The following SLCO1B3 variants were observed in gnomAD, a reference collection of about 807,000 sequenced individuals.
SLCO1B3 encodes liver-specific organic anion transporter 2.
In SLCO1B3, 72 loss-of-function variants were observed where a neutral mutation model predicts 71.8. The observed-to-expected ratio is 1.00, with a 90% CI of 0.83 to 1.22. SLCO1B3 has a LOEUF of 1.22. Ranked by LOEUF, SLCO1B3 falls within the 50% of genes most tolerant of loss-of-function variation. The pLI, the probability that SLCO1B3 is intolerant of heterozygous loss-of-function variation, is 0.00. For missense variants in SLCO1B3, 911 were observed against 819.7 expected (o/e 1.11, Z -1.36); for synonymous variants, 298 against 278.4 (o/e 1.07, Z -0.70).
Position 20,901,371 on chromosome 12 carries a change from A to G in SLCO1B3, c.1769A>G (p.Tyr590Cys). Residue 590 changes from tyrosine (Y) to cysteine (C), a missense_variant, in exon 15 of 16, where the codon TAT becomes TGT. By Grantham distance (194) the Tyr-to-Cys change is radical. Coordinates refer to ENST00000381545, the MANE Select transcript of SLCO1B3 (RefSeq NM_019844.4). ...GCAGGAGGAATTCTAGCTCCAATAT[A>G]TTTTGGGGCTCTGATTGATAAAACA... ...RTLGGILAPI[Y>C]FGALIDKTCM... The G allele has an allele frequency of 6.3e-7, 1 of 1,583,164 alleles. No individual in the cohort carries two copies. The highest frequency in any genetic ancestry group is 8.6e-7 in the Non-Finnish European group (1 of 1,167,720).
intron 3 of SLCO1B3, among the ~76,000 whole-genome samples, chr12:20,834,045 TATATG>T (rs997649801): frequency 3.6e-4 from 49 of 135,932 alleles, no homozygotes; most frequent in African/African-American, 1.2e-3. Context: ...ATTTATATAT[TATATG>T]TGTGCATATA....
chr12:20,912,297 T>A (rs2120456502), intron 15 of SLCO1B3, among the ~76,000 whole-genome samples: 1 of 144,220 alleles, frequency 6.9e-6, no homozygotes, highest in South Asian at 2.2e-4. Flanking sequence ...TATTTTATTT[T>A]TATTTTTATT....
chr12:20,888,721 C>G (rs1009645040), intron 13 of SLCO1B3, among the ~76,000 whole-genome samples: 3 of 151,960 alleles, frequency 2.0e-5, no homozygotes, highest in Middle Eastern at 3.2e-3. Flanking sequence ...ACTTCCAATA[C>G]TACGTTGAAT....
rs759291062 is a variant in SLCO1B3 at position 20,879,444 on chromosome 12, A to T, written c.1144A>T (p.Thr382Ser). 3.8e-6 allele frequency: 6 copies of T among 1,593,332 alleles called. No individual in the cohort carries two copies. The South Asian group carries it at 6.7e-5, about 18-fold the overall frequency. Residue 382 changes from threonine to serine, a missense_variant, in exon 11 of 16, where the codon ACC (threonine) becomes TCC (serine). By Grantham distance (58) the Thr-to-Ser change is moderately conservative (BLOSUM62 1). Transcript: ENST00000381545. ...SHANFLLGII[T>S]IPTVATGMFL... ...TCTTCTTTTATTTCTAGGAATCATA[A>T]CCATTCCTACGGTTGCAACTGGAAT...
chr12:20,839,584 C>T (rs1864754471), intron 3 of SLCO1B3, among the ~76,000 whole-genome samples: 1 of 151,912 alleles, frequency 6.6e-6, no homozygotes, highest in Admixed American at 6.6e-5. Context: ...TCTTTTGGGA[C>T]TTTTTTCCCC....
At chr12:20,914,748 C>T (rs566904263) in intron 15 of SLCO1B3, among the ~76,000 whole-genome samples, 4 of 152,102 alleles carry the variant, frequency 2.6e-5, no homozygotes, top group South Asian at 2.1e-4. Context: ...GTCTTTATTT[C>T]GACTTAGCTT....
At chr12:20,897,990 A>G (rs1312907625) in intron 13 of SLCO1B3, among the ~76,000 whole-genome samples, 1 of 152,180 alleles carries the variant, frequency 6.6e-6, no homozygotes, top group Non-Finnish European at 1.5e-5. Flanking sequence ...TACGAATCAT[A>G]TTAATAAGCT....
At chr12:20,900,614 A>T (rs1448684018) in intron 14 of SLCO1B3, among the ~76,000 whole-genome samples, 3 of 152,234 alleles carry the variant, frequency 2.0e-5, no homozygotes, top group Non-Finnish European at 2.9e-5. Flanking sequence ...ACCATTGTGC[A>T]CTAACAGACC....
At chr12:20,822,857 A>G (rs912142654) in intron 3 of SLCO1B3, among the ~76,000 whole-genome samples, 1 of 152,152 alleles carries the variant, frequency 6.6e-6, no homozygotes, top group African/African-American at 2.4e-5. Flanking sequence ...CTTATGTCAT[A>G]GTGAATTGGG....
chr12:20,889,272 T>C lies in SLCO1B3; in HGVS notation c.1682+5670T>C, dbSNP rs1005484584. On this transcript the variant is annotated intron_variant, in intron 13 of 15. Transcript: ENST00000381545. ...TTTTTTGGAATAGTTTTAGTAGAGT[T>C]GGTATCATTTCTTCCTTTTTGGTTT... Among the ~76,000 whole-genome samples, 7 of 152,208 alleles carry C rather than the reference T, an allele frequency of 4.6e-5. No individual in the cohort carries two copies. The East Asian group carries it at 1.4e-3, about 29-fold the overall frequency.
intron 3 of SLCO1B3, among the ~76,000 whole-genome samples, chr12:20,820,650 G>A (rs1389184698): frequency 6.6e-6 from 1 of 152,118 alleles, no homozygotes; most frequent in Non-Finnish European, 1.5e-5. Context: ...GGGGTTTGAG[G>A]GCCAGATTCC....
intron 3 of SLCO1B3, among the ~76,000 whole-genome samples, chr12:20,847,011 C>T (rs577292604): frequency 6.6e-6 from 1 of 151,968 alleles, no homozygotes; most frequent in South Asian, 2.1e-4. Context: ...AAGCAGAGAG[C>T]TGGAGGTTGG....
chr12:20,847,220 A>T (rs200712941), intron 3 of SLCO1B3, among the ~76,000 whole-genome samples: 2 of 28,986 alleles, frequency 6.9e-5, no homozygotes, highest in African/African-American at 1.1e-4. Context: ...TGGAAGAATT[A>T]AAAAAAAAAT....
At chr12:20,822,566 C>G (rs1040052076) in intron 3 of SLCO1B3, among the ~76,000 whole-genome samples, 1 of 152,098 alleles carries the variant, frequency 6.6e-6, no homozygotes, top group Non-Finnish European at 1.5e-5. Flanking sequence ...TCGGCGTATA[C>G]GTGCAAGTCA....
chr12:20,846,433 T>C (rs1405871980), intron 3 of SLCO1B3, among the ~76,000 whole-genome samples: 1 of 152,222 alleles, frequency 6.6e-6, no homozygotes, highest in Non-Finnish European at 1.5e-5. Context: ...TTGCAAACTA[T>C]GTGTTGGTGT....
chr12:20,819,037 G>A (rs1378828989), intron 3 of SLCO1B3, among the ~76,000 whole-genome samples: 2 of 152,186 alleles, frequency 1.3e-5, no homozygotes, highest in Non-Finnish European at 2.9e-5. Flanking sequence ...TGTAGAGAGT[G>A]AGTTGAGCAT....
At chr12:20,874,493 G>C (rs941830137) in intron 8 of SLCO1B3, among the ~76,000 whole-genome samples, 3 of 152,018 alleles carry the variant, frequency 2.0e-5, no homozygotes, top group African/African-American at 7.3e-5. Flanking sequence ...TCTTATTCTG[G>C]TATCTTGCTG....
At chr12:20,892,616 G>A (rs1454541332) in intron 13 of SLCO1B3, among the ~76,000 whole-genome samples, 1 of 152,144 alleles carries the variant, frequency 6.6e-6, no homozygotes, top group Non-Finnish European at 1.5e-5. Context: ...TACCTGTAGT[G>A]ATGAAGAATA....
chr12:20,843,679 G>A (rs561530486), intron 3 of SLCO1B3, among the ~76,000 whole-genome samples: 1 of 152,004 alleles, frequency 6.6e-6, no homozygotes, highest in African/African-American at 2.4e-5. Flanking sequence ...TACTCAGGAG[G>A]CTGAGGCAGG....
Sources: allele counts gnomAD v4.1 joint callset (sites outside exome capture counted in the v4.1 genomes callset), GRCh38; gene constraint gnomAD v4.1.1; transcripts MANE v1.5; gene names NCBI Gene and HGNC (gene_info 2026-07-23, HGNC 2026-07-21).